EPHB2: variants seen among roughly 807,000 people sequenced by gnomAD.
The protein encoded by EPHB2 is ephrin type-B receptor 2.
A neutral mutation model predicts 96.4 loss-of-function variants in EPHB2; 18 were observed. The ratio of observed to expected loss-of-function variants is 0.19; its 90% CI spans 0.13 to 0.28. EPHB2 has a LOEUF of 0.28. Among genes scored for constraint, EPHB2 ranks in the 10% least tolerant of loss-of-function variants. EPHB2 has a pLI of 1.00. For missense variants in EPHB2, 989 were observed against 1,355.4 expected, an observed-to-expected ratio of 0.73 and a Z score of 4.25; for synonymous variants, 506 against 534.1, an observed-to-expected ratio of 0.95 and a Z score of 0.72.
At chr1:22,854,606 G>C (rs1358005854) in intron 3 of EPHB2, among the ~76,000 whole-genome samples, 1 of 152,170 alleles carries the variant, frequency 6.6e-6, no homozygotes, top group Non-Finnish European at 1.5e-5. Context: ...TCCTTTCTGT[G>C]AGCCTCAGTT....
At chr1:22,803,743 G>GTATATA (rs373288421) in intron 3 of EPHB2, among the ~76,000 whole-genome samples, 3 of 144,372 alleles carry the variant, frequency 2.1e-5, no homozygotes, top group Admixed American at 7.0e-5. Flanking sequence ...GTGTGTGTGT[G>GTATATA]TATATATATA....
chr1:22,774,898 A>G (rs1226150489), intron 1 of EPHB2, among the ~76,000 whole-genome samples: 1 of 152,180 alleles, frequency 6.6e-6, no homozygotes, highest in Non-Finnish European at 1.5e-5. Flanking sequence ...ATTCACCTAC[A>G]TGGTGTCATT....
chr1:22,857,291 A>T (rs962515151), intron 3 of EPHB2, among the ~76,000 whole-genome samples: 1 of 152,108 alleles, frequency 6.6e-6, no homozygotes, highest in Non-Finnish European at 1.5e-5. Flanking sequence ...GTTTAATAGC[A>T]CACCACTGCA....
chr1:22,906,248 G>C lies in EPHB2; in HGVS notation c.1888+139G>C. On this transcript the variant is annotated intron_variant, in intron 10 of 15. Transcript: ENST00000374630. This position sits in a 1 kb window ranked among gnomAD's most constrained non-coding sequence, Gnocchi z 4.8. ...CCCCCAAGGCCTGAAGGTTCAGAATGACCATGAAAGAAGGGCCCTCAAAGG... is the reference window on the plus strand; with the variant it reads ...CCCCCAAGGCCTGAAGGTTCAGAATCACCATGAAAGAAGGGCCCTCAAAGG... The C allele has an allele frequency of 7.4e-7, 1 of 1,359,504 alleles. No homozygotes were observed. The highest frequency in any genetic ancestry group is 2.0e-5 in the Admixed American group (1 of 49,352). The allele number at this position is 1,359,504 out of a possible 1,614,324, so 84.2% of individuals were successfully genotyped here.
At chr1:22,777,363 T>C (rs1045679613) in intron 1 of EPHB2, among the ~76,000 whole-genome samples, 2 of 152,122 alleles carry the variant, frequency 1.3e-5, no homozygotes, top group African/African-American at 4.8e-5. Context: ...CCTCTTGGCA[T>C]TGTTGTGAGA....
intron 1 of EPHB2, among the ~76,000 whole-genome samples, chr1:22,722,054 T>C (rs1643479112): frequency 6.6e-6 from 1 of 152,194 alleles, no homozygotes; most frequent in African/African-American, 2.4e-5. Context: ...TTCAAGCAAT[T>C]CTTGGGCCTC....
chr1:22,905,092 T>C (rs1639867711), intron 9 of EPHB2, among the ~76,000 whole-genome samples: 1 of 152,192 alleles, frequency 6.6e-6, no homozygotes, highest in Non-Finnish European at 1.5e-5. Context: ...AGGCGGAAGA[T>C]GGATGGGTCA....
intron 3 of EPHB2, among the ~76,000 whole-genome samples, chr1:22,787,838 G>C (rs184256986): frequency 4.8e-4 from 73 of 152,314 alleles, no homozygotes; most frequent in African/African-American, 1.7e-3. Flanking sequence ...TTTCCCATGA[G>C]GTTGCACTCA....
chr1:22,905,934 T>C, intron 9 of EPHB2, 53 bp from the exon 10 acceptor site: 1 of 1,613,668 alleles, frequency 6.2e-7, no homozygotes, highest in Non-Finnish European at 8.5e-7. Context: ...GCTTTTCCTT[T>C]TTGTGTGCAT....
chr1:22,889,754 A>G (rs374093513), intron 6 of EPHB2, among the ~76,000 whole-genome samples: 32 of 152,302 alleles, frequency 2.1e-4, no homozygotes, highest in African/African-American at 7.5e-4. Context: ...AGACAGGGGC[A>G]ACAGTGCTTG....
intron 3 of EPHB2, among the ~76,000 whole-genome samples, chr1:22,840,745 G>A (rs1395511342): frequency 6.6e-6 from 1 of 152,104 alleles, no homozygotes; most frequent in Admixed American, 6.6e-5. Context: ...ACACACATAA[G>A]CCACCATGCC....
intron 1 of EPHB2, among the ~76,000 whole-genome samples, chr1:22,743,049 G>A (rs957014621): frequency 4.0e-5 from 6 of 151,132 alleles, no homozygotes; most frequent in Admixed American, 1.3e-4. Flanking sequence ...GTGCCACCAC[G>A]CCCAGCTAAT....
At chr1:22,775,486 T>G (rs56098174) in intron 1 of EPHB2, among the ~76,000 whole-genome samples, 7 of 152,376 alleles carry the variant, frequency 4.6e-5, no homozygotes, top group Non-Finnish European at 1.0e-4. Flanking sequence ...CAGACAGAGC[T>G]GGCTAGGGGT....
rs1640364726 is a variant in EPHB2, at chr1:22,920,288, G to A, written c.*6718G>A. On this transcript the variant is annotated 3_prime_UTR_variant, in exon 16 of 16. Transcript: ENST00000374630. ...GCAGGGCCCCACTGGCTCAGTCTGGGGAGGGACTCATCTGGGGTGGAATTT... is the reference window on the plus strand; with the variant it reads ...GCAGGGCCCCACTGGCTCAGTCTGGAGAGGGACTCATCTGGGGTGGAATTT... The A allele has an allele frequency of 6.6e-6, 1 of 152,306 alleles. No homozygotes were observed. Among genetic ancestry groups the A allele is most frequent in the Non-Finnish European group, 1.5e-5 (1 of 68,102 alleles). The allele number at this position is 152,306 out of a possible 1,614,324, so 9.4% of individuals were successfully genotyped here. A position where few individuals can be genotyped will look rare whatever the true frequency, so the allele number is the denominator to read the frequency against.
At chr1:22,763,345 G>T (rs573074287) in intron 1 of EPHB2, among the ~76,000 whole-genome samples, 7 of 152,162 alleles carry the variant, frequency 4.6e-5, no homozygotes, top group African/African-American at 1.2e-4. Flanking sequence ...TGGTGCCCCT[G>T]AGAGCACCAG....
Position 22,908,091 on chromosome 1 carries a change from G to T in EPHB2, c.2275G>T (p.Val759Phe), listed in dbSNP as rs201156841. ...CAACATCCTCGTCAACAGCAACCTGGTCTGCAAGGTGTCGGACTTTGGGCT... is the reference window on the plus strand; with the variant it reads ...CAACATCCTCGTCAACAGCAACCTGTTCTGCAAGGTGTCGGACTTTGGGCT... ...ARNILVNSNL[V>F]CKVSDFGLSR... The change falls in exon 12 of 16, where the codon GTC (valine) becomes TTC (phenylalanine). Residue 759 changes from valine (V) to phenylalanine (F), a missense_variant. Transcript: ENST00000374630. 1 of 1,614,250 alleles carries T rather than the reference G, an allele frequency of 6.2e-7. No individual in the cohort carries two copies. Among genetic ancestry groups the T allele is most frequent in the Non-Finnish European group, 8.5e-7 (1 of 1,180,054 alleles).
chr1:22,910,783 A>G (rs1159605923), intron 14 of EPHB2, among the ~76,000 whole-genome samples: 2 of 152,190 alleles, frequency 1.3e-5, no homozygotes, highest in Non-Finnish European at 2.9e-5. Flanking sequence ...AAGGACATAT[A>G]CCCTGTGGGT....
rs763188025 is a variant in EPHB2, at chr1:22,784,486, G to A, written c.221G>A (p.Arg74Gln). 18 of 1,613,988 alleles carry A rather than the reference G, an allele frequency of 1.1e-5. No individual in the cohort carries two copies. Among genetic ancestry groups the A allele is most frequent in the Admixed American group, 6.7e-5 (4 of 60,034 alleles). Residue 74 changes from arginine (R) to glutamine (Q), a missense_variant, in exon 3 of 16, where the codon CGG becomes CAG. By Grantham distance (43) the Arg-to-Gln change is conservative (BLOSUM62 1). Coordinates refer to ENST00000374630, the MANE Select transcript of EPHB2 (RefSeq NM_017449.5). The surrounding 1 kb of genome is among the most constrained non-coding windows in gnomAD (Gnocchi z 5.1). ...VFESSQNNWL[R>Q]TKFIRRRGAH... is the part of the protein sequence containing the mutation. ...GAGTCAAGCCAGAACAACTGGCTAC[G>A]GACCAAGTTTATCCGGCGCCGTGGC... is the stretch of plus-strand genomic sequence containing the variant.
chr1:22,862,362 A>G (rs936034447), intron 3 of EPHB2, among the ~76,000 whole-genome samples: 5 of 152,244 alleles, frequency 3.3e-5, no homozygotes, highest in African/African-American at 1.2e-4. Flanking sequence ...GGGCACCTAT[A>G]CTGTGCAAGG....
Sources: allele counts gnomAD v4.1 joint callset (sites outside exome capture counted in the v4.1 genomes callset), GRCh38; gene constraint gnomAD v4.1.1; non-coding constraint Gnocchi (gnomAD v3.1); transcripts MANE v1.5; gene names NCBI Gene and HGNC (gene_info 2026-07-23, HGNC 2026-07-21).